DGKH: variants seen among roughly 807,000 people sequenced by gnomAD.
DGKH encodes DAG kinase eta.
Under a neutral mutation model 159.3 loss-of-function variants are expected in DGKH, and 90 were observed. The ratio of observed to expected loss-of-function variants is 0.57; its 90% CI spans 0.48 to 0.67. The LOEUF (loss-of-function observed/expected upper bound fraction) is 0.67. Ranked by LOEUF, DGKH falls within the 30% of genes least tolerant of loss-of-function variation. The pLI, the probability that DGKH is intolerant of heterozygous loss-of-function variation, is 0.00. For missense variants in DGKH, 1,181 were observed against 1,506.1 expected, an observed-to-expected ratio of 0.78 and a Z score of 3.57; for synonymous variants, 536 against 553.8, an observed-to-expected ratio of 0.97 and a Z score of 0.45.
rs188327260 is a variant in DGKH at position 42,231,114 on chromosome 13, G to A, written c.*1926G>A. ...TCACGCCTGTAATCCCAGCACTTCG[G>A]GAGGTTTAGGTGGGTAGATCACCGG... On this transcript the variant is annotated 3_prime_UTR_variant, in exon 30 of 30. Transcript: ENST00000337343. 1.3e-5 allele frequency: 2 copies of A among 152,300 alleles called. No individual in the cohort carries two copies. Among genetic ancestry groups the A allele is most frequent in the East Asian group, 3.9e-4 (2 of 5,188 alleles). The allele number at this position is 152,300 out of a possible 1,614,324, so 9.4% of individuals were successfully genotyped here.
At chr13:42,113,456 A>G (rs985706434) in intron 1 of DGKH, among the ~76,000 whole-genome samples, 9 of 152,214 alleles carry the variant, frequency 5.9e-5, no homozygotes, top group African/African-American at 2.2e-4. Context: ...TGGCTTATTT[A>G]ATAGAGCTTA....
chr13:42,089,015 G>T (rs944204811), intron 1 of DGKH, among the ~76,000 whole-genome samples: 22 of 152,170 alleles, frequency 1.4e-4, no homozygotes, highest in Admixed American at 1.2e-3. Flanking sequence ...CCATTACTAG[G>T]GATAGTGAGG....
At chr13:42,215,497 A>C (rs1474375269) in intron 25 of DGKH, 78 bp from the exon 26 acceptor site, 1 of 1,081,244 alleles carries the variant, frequency 9.2e-7, no homozygotes, top group Non-Finnish European at 1.3e-6. Context: ...AAATTATAAG[A>C]ATAAAATTTA....
At chr13:42,101,010 C>G (rs1954642179) in intron 1 of DGKH, among the ~76,000 whole-genome samples, 2 of 152,334 alleles carry the variant, frequency 1.3e-5, no homozygotes. Flanking sequence ...ACTCCCATAA[C>G]TCTCCTCACT....
upstream of DGKH, among the ~76,000 whole-genome samples, chr13:42,045,699 A>C (rs755866393): frequency 6.6e-5 from 10 of 152,238 alleles, no homozygotes; most frequent in Non-Finnish European, 1.3e-4. Context: ...TATTCTTTGC[A>C]TGGTTCCTTA....
chr13:42,199,026 C>T (rs1442629541), intron 18 of DGKH, among the ~76,000 whole-genome samples: 1 of 152,148 alleles, frequency 6.6e-6, no homozygotes, highest in Non-Finnish European at 1.5e-5. Flanking sequence ...GATATACTTT[C>T]TTTTACTTCC....
rs1445972571 is a variant in DGKH at position 42,238,794 on chromosome 13, T to TA, written c.*9607dup. On this transcript the variant is annotated 3_prime_UTR_variant, in exon 30 of 30. Coordinates refer to ENST00000337343, the MANE Select transcript of DGKH (RefSeq NM_178009.5). ...AGTAGAATAACCTAGTTAAAATCAT[T>TA]ATATTAGTTATACATGAGAGTCAGT... The TA allele has an allele frequency of 1.3e-5, 2 of 152,196 alleles. No homozygotes were observed. The highest frequency in any genetic ancestry group is 2.9e-5 in the Non-Finnish European group (2 of 68,006). The allele number at this position is 152,196 out of a possible 1,614,324, so 9.4% of individuals were successfully genotyped here.
chr13:42,142,309 T>C (rs1955584162), intron 3 of DGKH, among the ~76,000 whole-genome samples: 1 of 152,134 alleles, frequency 6.6e-6, no homozygotes, highest in Non-Finnish European at 1.5e-5. Context: ...CCTTGTAGTA[T>C]AGTTTGAAGT....
chr13:42,101,577 C>T (rs946662040), intron 1 of DGKH, among the ~76,000 whole-genome samples: 1 of 152,106 alleles, frequency 6.6e-6, no homozygotes, highest in East Asian at 1.9e-4. Flanking sequence ...CAGTGCTGGT[C>T]ATGGGTGGCT....
At chr13:42,149,527 G>T (rs1432333061) in intron 3 of DGKH, among the ~76,000 whole-genome samples, 1 of 152,202 alleles carries the variant, frequency 6.6e-6, no homozygotes, top group Non-Finnish European at 1.5e-5. Context: ...TTGTTTGGCA[G>T]AAAATAGGAA....
chr13:42,043,332 T>A (rs1266000167), intron 1 of DGKH, among the ~76,000 whole-genome samples: 3 of 151,772 alleles, frequency 2.0e-5, no homozygotes, highest in Admixed American at 6.6e-5. Flanking sequence ...CATTTCAAAG[T>A]TTTTTTTTAA....
Position 42,230,435 on chromosome 13 carries a change from A to G in DGKH, c.*1247A>G, listed in dbSNP as rs992376883. 7 of 152,132 alleles carry G rather than the reference A, an allele frequency of 4.6e-5. No individual in the cohort carries two copies. The highest frequency in any genetic ancestry group is 7.4e-5 in the Non-Finnish European group (5 of 68,022). 9.4% of individuals were successfully genotyped at this position (152,132 alleles called of 1,614,324 possible). A position where few individuals can be genotyped will look rare whatever the true frequency, so the allele number is the denominator to read the frequency against. On this transcript the variant is annotated 3_prime_UTR_variant, in exon 30 of 30. Coordinates refer to ENST00000337343, the MANE Select transcript of DGKH (RefSeq NM_178009.5). ...CCACTGTACTTCAGTGTAGCTTATT[A>G]TTAGAAGTCAACATTACAATGATCA... is the stretch of plus-strand genomic sequence containing the variant.
chr13:42,060,579 G>A (rs1302420884), intron 1 of DGKH, among the ~76,000 whole-genome samples: 1 of 152,090 alleles, frequency 6.6e-6, no homozygotes, highest in Non-Finnish European at 1.5e-5. Context: ...TTGACTTTTT[G>A]TCTTGCTAAT....
chr13:42,195,241 C>T (rs1957177426), intron 17 of DGKH, among the ~76,000 whole-genome samples: 1 of 152,132 alleles, frequency 6.6e-6, no homozygotes, highest in Non-Finnish European at 1.5e-5. Flanking sequence ...TGGCTCACAC[C>T]TGTAATCGCA....
chr13:42,043,470 G>A (rs950045774), intron 1 of DGKH, among the ~76,000 whole-genome samples: 2 of 151,802 alleles, frequency 1.3e-5, no homozygotes, highest in Non-Finnish European at 2.9e-5. Flanking sequence ...CTCCTGAGTA[G>A]CTAGGACTAC....
At chr13:42,159,643 G>T (rs1956129494) in intron 6 of DGKH, among the ~76,000 whole-genome samples, 1 of 151,964 alleles carries the variant, frequency 6.6e-6, no homozygotes, top group African/African-American at 2.4e-5. Context: ...GTTCTTTAAG[G>T]CTTAGCTGAG....
At chr13:42,069,538 CT>C in intron 1 of DGKH, 1 of 1,596,476 alleles carries the variant, frequency 6.3e-7, no homozygotes. Context: ...ATTCTTTTCC[CT>C]TTCTTTTCCA....
intron 1 of DGKH, among the ~76,000 whole-genome samples, chr13:42,103,576 G>A (rs1954691537): frequency 6.6e-6 from 1 of 152,150 alleles, no homozygotes; most frequent in Admixed American, 6.5e-5. Flanking sequence ...CATCCAGGCA[G>A]CAGACAGAAA....
At chr13:42,171,350 C>G (rs536529206) in intron 11 of DGKH, among the ~76,000 whole-genome samples, 91 of 152,358 alleles carry the variant, frequency 6.0e-4, no homozygotes, top group Non-Finnish European at 1.2e-3. Context: ...ACTCTGCACT[C>G]TTTCCCCTTT....
Sources: gnomAD v4.1 joint callset for allele counts (sites outside exome capture counted in the v4.1 genomes callset) on GRCh38, gnomAD v4.1.1 for gene constraint, MANE v1.5 for transcripts, NCBI Gene and HGNC (gene_info 2026-07-23, HGNC 2026-07-21) for gene names.